The following FAM120A variants were observed in gnomAD, a reference collection of about 807,000 sequenced individuals.
FAM120A encodes the protein family with sequence similarity 120 member A.
In FAM120A, 15 loss-of-function variants were observed where a neutral mutation model predicts 109.7. The ratio of observed to expected loss-of-function variants is 0.14; its 90% CI spans 0.09 to 0.21. The LOEUF is 0.21. Ranked by LOEUF, FAM120A falls within the 10% of genes least tolerant of loss-of-function variation. FAM120A has a pLI of 1.00. For missense variants in FAM120A, 899 were observed against 1,439.3 expected (o/e 0.62, Z 6.07); for synonymous variants, 493 against 572.8 (o/e 0.86, Z 1.99).
At chr9:93,523,327 AT>A in intron 7 of FAM120A, 1 of 1,289,444 alleles carries the variant, frequency 7.8e-7, no homozygotes, top group African/African-American at 1.5e-5. Flanking sequence ...CACAAAGAGA[AT>A]TCCATCGTGC....
rs571632173 is a variant in FAM120A, at chr9:93,498,600, G to T, written c.934-190G>T. Among the ~76,000 whole-genome samples, 18 of 152,324 alleles carry T rather than the reference G, an allele frequency of 1.2e-4. No homozygotes were observed. The South Asian group carries it at 2.5e-3, about 21-fold the overall frequency. ...CTCTTGTGACTACATTGCTTTAAAAGAATTCACGTTTGGTTTGATTCTTTT... is the reference window on the plus strand; with the variant it reads ...CTCTTGTGACTACATTGCTTTAAAATAATTCACGTTTGGTTTGATTCTTTT... On this transcript the variant is annotated intron_variant, in intron 4 of 17. Coordinates refer to ENST00000277165, the MANE Select transcript of FAM120A (RefSeq NM_014612.5). The surrounding 1 kb of genome is among the most constrained non-coding windows in gnomAD (Gnocchi z 4.4).
chr9:93,534,679 A>G (rs1157838643), intron 10 of FAM120A, among the ~76,000 whole-genome samples: 1 of 151,918 alleles, frequency 6.6e-6, no homozygotes, highest in Non-Finnish European at 1.5e-5. Context: ...TTGTTATGTT[A>G]TTTTTTTGGC....
chr9:93,524,308 ACAGT>A (rs1181962868), intron 7 of FAM120A, among the ~76,000 whole-genome samples: 1 of 152,220 alleles, frequency 6.6e-6, no homozygotes, highest in African/African-American at 2.4e-5. Context: ...TACACCCCTG[ACAGT>A]CAGGAACATG....
In FAM120A at chr9:93,498,432, C is replaced by T. The variant is rs1291359077; in HGVS notation, c.934-358C>T. On this transcript the variant is annotated intron_variant, in intron 4 of 17. Transcript: ENST00000277165. The surrounding 1 kb of genome is among the most constrained non-coding windows in gnomAD (Gnocchi z 4.4). ...GAGCTGAAACCCTGGGCAGGAACAT[C>T]CCCAGTCTGTCACTGCCATCCGTTC... Among the ~76,000 whole-genome samples the T allele has an allele frequency of 1.3e-5, 2 of 152,126 alleles. No homozygotes were observed. The highest frequency in any genetic ancestry group is 2.9e-5 in the Non-Finnish European group (2 of 68,016).
intron 5 of FAM120A, among the ~76,000 whole-genome samples, chr9:93,505,206 A>G (rs1378048033): frequency 6.6e-6 from 1 of 151,048 alleles, no homozygotes; most frequent in African/African-American, 2.4e-5. Flanking sequence ...GACTACAGGC[A>G]CTCGCCACCA....
intron 3 of FAM120A, 107 bp downstream of exon 3, chr9:93,476,445 A>T: frequency 1.4e-6 from 1 of 737,244 alleles, no homozygotes; most frequent in Non-Finnish European, 2.3e-6. Flanking sequence ...CAAAGTTAGC[A>T]ATACCATGTT....
intron 3 of FAM120A, among the ~76,000 whole-genome samples, chr9:93,485,935 A>G (rs951390929): frequency 1.3e-5 from 2 of 151,192 alleles, no homozygotes; most frequent in African/African-American, 4.8e-5. Flanking sequence ...AGTACTTTCA[A>G]GGTTTTTCCA....
chr9:93,466,549 G>C (rs1858026889), intron 1 of FAM120A, among the ~76,000 whole-genome samples: 1 of 151,962 alleles, frequency 6.6e-6, no homozygotes, highest in South Asian at 2.1e-4. Flanking sequence ...CCGGTTCTTT[G>C]TTATGGAGAA....
chr9:93,455,484 A>G (rs576781773), intron 1 of FAM120A, among the ~76,000 whole-genome samples: 2 of 152,210 alleles, frequency 1.3e-5, no homozygotes, highest in African/African-American at 2.4e-5. Flanking sequence ...TAATTTTATC[A>G]TATGATAATT....
intron 7 of FAM120A, among the ~76,000 whole-genome samples, chr9:93,521,858 C>T (rs1016030985): frequency 1.8e-4 from 27 of 152,204 alleles, no homozygotes; most frequent in Admixed American, 1.4e-3. Context: ...GAAGCTGAGG[C>T]AGGCAGATCA....
intron 11 of FAM120A, among the ~76,000 whole-genome samples, chr9:93,548,860 C>G (rs1319362399): frequency 6.6e-6 from 1 of 151,974 alleles, no homozygotes; most frequent in African/African-American, 2.4e-5. Flanking sequence ...CTGGCCAACA[C>G]AGTGAAACCC....
Position 93,470,262 on chromosome 9 carries a change from G to A in FAM120A, c.475-879G>A, listed in dbSNP as rs186308864. Among the ~76,000 whole-genome samples, 14 of 152,324 alleles carry A rather than the reference G, an allele frequency of 9.2e-5. No homozygotes were observed. The East Asian group carries it at 2.3e-3, about 25-fold the overall frequency. On this transcript the variant is annotated intron_variant, in intron 1 of 17. Transcript: ENST00000277165. Reference sequence around the variant, plus strand: ...GCCAGAATTTTAGTTGGATTAATGAGTATGTGAAACAGCAGGAGAGAATTT... The same window carrying A: ...GCCAGAATTTTAGTTGGATTAATGAATATGTGAAACAGCAGGAGAGAATTT...
intron 8 of FAM120A, among the ~76,000 whole-genome samples, chr9:93,528,366 A>C (rs997714259): frequency 2.0e-5 from 3 of 152,266 alleles, no homozygotes; most frequent in African/African-American, 7.2e-5. Flanking sequence ...AAAAATGTAT[A>C]TGTCTTTAGG....
intron 7 of FAM120A, among the ~76,000 whole-genome samples, chr9:93,526,577 C>T (rs574994132): frequency 2.7e-4 from 41 of 151,990 alleles, no homozygotes; most frequent in South Asian, 1.2e-3. Context: ...ACTCCCTGTT[C>T]TGTGAACCCA....
chr9:93,527,052 G>C (rs1004822949), intron 7 of FAM120A, 103 bp from the exon 8 acceptor site: 1 of 811,426 alleles, frequency 1.2e-6, no homozygotes, highest in African/African-American at 1.7e-5. Context: ...TATTTTAAAA[G>C]TATTGTTATT....
chr9:93,486,821 A>C lies in FAM120A; in HGVS notation c.804+10483A>C, dbSNP rs967255595. On this transcript the variant is annotated intron_variant, in intron 3 of 17. Transcript: ENST00000277165. ...AGTGCTGGGATTACAGGCATGAGCC[A>C]CTGTAATTGACCTATGCTTAGCTTT... is the stretch of plus-strand genomic sequence containing the variant. Among the ~76,000 whole-genome samples, 3 of 152,292 alleles carry C rather than the reference A, an allele frequency of 2.0e-5. No homozygotes were observed. The East Asian group carries it at 5.8e-4, about 29-fold the overall frequency.
chr9:93,465,923 A>T (rs573677252), intron 1 of FAM120A, among the ~76,000 whole-genome samples: 10 of 152,060 alleles, frequency 6.6e-5, no homozygotes, highest in African/African-American at 2.2e-4. Flanking sequence ...AATGTCCCCG[A>T]TTTGGGTTTG....
intron 12 of FAM120A, among the ~76,000 whole-genome samples, chr9:93,555,971 C>T (rs995622090): frequency 2.0e-5 from 3 of 152,162 alleles, no homozygotes; most frequent in Non-Finnish European, 2.9e-5. Context: ...AGTTTTGACA[C>T]TCTTTCTGTT....
chr9:93,497,382 T>G, intron 3 of FAM120A, 89 bp from the exon 4 acceptor site: 1 of 1,517,984 alleles, frequency 6.6e-7, no homozygotes, highest in Non-Finnish European at 9.0e-7. Context: ...AGATGGTAGC[T>G]CCTTGTTGAA....
Sources: allele counts gnomAD v4.1 joint callset (sites outside exome capture counted in the v4.1 genomes callset), GRCh38; gene constraint gnomAD v4.1.1; non-coding constraint Gnocchi (gnomAD v3.1); transcripts MANE v1.5; gene names NCBI Gene and HGNC (gene_info 2026-07-23, HGNC 2026-07-21).